ZBTB1: variants seen among roughly 807,000 people sequenced by gnomAD.
The protein encoded by ZBTB1 is zinc finger and BTB domain containing 1.
ZBTB1 carries 13 observed loss-of-function variants against 51.6 expected under a neutral mutation model. The observed-to-expected ratio is 0.25, with a 90% CI of 0.16 to 0.40. The LOEUF (loss-of-function observed/expected upper bound fraction) is 0.40, where lower values mean the gene tolerates loss of function less well. Among genes scored for constraint, ZBTB1 ranks in the 10% least tolerant of loss-of-function variants. ZBTB1 has a pLI of 1.00. For missense variants in ZBTB1, 567 were observed against 856.5 expected (o/e 0.66, Z 4.22); for synonymous variants, 240 against 282.2 (o/e 0.85, Z 1.50).
chr14:64,523,906 A>G lies in ZBTB1; in HGVS notation c.*260A>G. On this transcript the variant is annotated 3_prime_UTR_variant, in exon 2 of 2. Coordinates refer to ENST00000683701, the MANE Select transcript of ZBTB1 (RefSeq NM_001123329.2). The surrounding 1 kb of genome is among the most constrained non-coding windows in gnomAD (Gnocchi z 4.5). ...TTAAAATTTTTAAATGTAGACTACA[A>G]GTGGTTGTTACCCATTCAATGACTA... 8.6e-7 allele frequency: 1 copy of G among 1,158,250 alleles called. No homozygotes were observed. The highest frequency in any genetic ancestry group is 1.1e-6 in the Non-Finnish European group (1 of 931,706). The allele number at this position is 1,158,250 out of a possible 1,614,324, so 71.7% of individuals were successfully genotyped here.
chr14:64,522,905 T>C lies in ZBTB1; in HGVS notation c.1401T>C (p.Ala467=), dbSNP rs2079874462. Residue 467 remains alanine, a synonymous_variant, in exon 2 of 2, where the codon GCT becomes GCC. Transcript: ENST00000683701. ...LVKGRQLQEH[A]QRCGEPQDLT... ...AGGGTAGGCAGCTTCAGGAACATGC[T>C]CAACGATGTGGCGAGCCCCAAGATC... 3 of 1,614,178 alleles carry C rather than the reference T, an allele frequency of 1.9e-6. No homozygotes were observed. The highest frequency in any genetic ancestry group is 2.2e-5 in the East Asian group (1 of 44,882).
At chr14:64,507,047 AAAG>A (rs2079671232) in intron 1 of ZBTB1, among the ~76,000 whole-genome samples, 1 of 152,204 alleles carries the variant, frequency 6.6e-6, no homozygotes, top group Non-Finnish European at 1.5e-5. Flanking sequence ...GTGCAGGAGA[AAAG>A]AAGTACCTGC....
In ZBTB1 at chr14:64,524,551, A is replaced by G. The variant is rs1227933584; in HGVS notation, c.*905A>G. ...AAGAATATGACCTCTAAAGGAAAAG[A>G]TGATTTTTTACAATACATACTTCTG... On this transcript the variant is annotated 3_prime_UTR_variant, in exon 2 of 2. Coordinates refer to ENST00000683701, the MANE Select transcript of ZBTB1 (RefSeq NM_001123329.2). 3 of 982,896 alleles carry G rather than the reference A, an allele frequency of 3.1e-6. No individual in the cohort carries two copies. The highest frequency in any genetic ancestry group is 3.6e-6 in the Non-Finnish European group (3 of 827,762). The allele number at this position is 982,896 out of a possible 1,614,324, so 60.9% of individuals were successfully genotyped here. A position where few individuals can be genotyped will look rare whatever the true frequency, so the allele number is the denominator to read the frequency against.
chr14:64,517,781 A>ATATTT (rs1160337478), intron 1 of ZBTB1, among the ~76,000 whole-genome samples: 5 of 41,550 alleles, frequency 1.2e-4, no homozygotes, highest in African/African-American at 4.4e-4. Context: ...ATATATATAT[A>ATATTT]TTTTTTTTTT....
intron 1 of ZBTB1, chr14:64,505,317 C>T (rs1473006776): frequency 6.0e-6 from 1 of 165,600 alleles, no homozygotes; most frequent in Non-Finnish European, 1.3e-5. Context: ...CTTCTCTCAA[C>T]TTACAGCTGC....
chr14:64,530,600 C>CA (rs568731383), intron 2 of ZBTB1, among the ~76,000 whole-genome samples: 4,073 of 124,694 alleles, frequency 0.033, 159 homozygotes, highest in African/African-American at 0.11. Flanking sequence ...GACTCCGTCT[C>CA]AAAAAAAAAA....
chr14:64,527,203 G>A (rs1476594214), downstream of ZBTB1, among the ~76,000 whole-genome samples: 1 of 151,884 alleles, frequency 6.6e-6, no homozygotes, highest in Non-Finnish European at 1.5e-5. Flanking sequence ...CTAATTAAAA[G>A]GAAAAGTAGA....
At chr14:64,515,614 G>A (rs1354869151) in intron 1 of ZBTB1, among the ~76,000 whole-genome samples, 2 of 150,498 alleles carry the variant, frequency 1.3e-5, no homozygotes, top group Admixed American at 6.6e-5. Flanking sequence ...TCCGCCTCCC[G>A]AGTTCCCGCC....
At position 64,524,444 on chromosome 14, in the gene ZBTB1, T is replaced by C; in HGVS notation, c.*798T>C. On this transcript the variant is annotated 3_prime_UTR_variant, in exon 2 of 2. Transcript: ENST00000683701. The stretch of plus-strand genomic sequence containing the variant: ...ACATATCTTGTATTCATTAAAAATA[T>C]TTTAATTTAAAATATTCTGATTTCT... The C allele has an allele frequency of 8.7e-6, 7 of 800,080 alleles. No homozygotes were observed. The highest frequency in any genetic ancestry group is 1.1e-5 in the Non-Finnish European group (7 of 661,108). 49.6% of individuals were successfully genotyped at this position (800,080 alleles called of 1,614,324 possible).
intron 1 of ZBTB1, among the ~76,000 whole-genome samples, chr14:64,519,848 C>T (rs559474124): frequency 4.0e-4 from 61 of 152,056 alleles, no homozygotes; most frequent in African/African-American, 1.4e-3. Flanking sequence ...AAACCCACTG[C>T]TTCTTTATAC....
chr14:64,519,544 G>A (rs1359419317), intron 1 of ZBTB1, among the ~76,000 whole-genome samples: 1 of 150,404 alleles, frequency 6.6e-6, no homozygotes, highest in Non-Finnish European at 1.5e-5. Flanking sequence ...CAGGAGGATC[G>A]CTTGAACTCA....
At chr14:64,515,770 C>A (rs887528825) in intron 1 of ZBTB1, among the ~76,000 whole-genome samples, 8 of 152,186 alleles carry the variant, frequency 5.3e-5, no homozygotes, top group Non-Finnish European at 1.0e-4. Context: ...CCACCCGCCT[C>A]CGCCTCCCAA....
chr14:64,532,821 G>A (rs996347292), exon 3 of ZBTB1: 55 of 152,088 alleles, frequency 3.6e-4, no homozygotes, highest in African/African-American at 1.3e-3. Context: ...AATATTTGGT[G>A]AGATTTTAGT....
rs1017405050 is a variant in ZBTB1 at position 64,524,870 on chromosome 14, C to A, written c.*1224C>A. 8.1e-6 allele frequency: 8 copies of A among 985,140 alleles called. No individual in the cohort carries two copies. The highest frequency in any genetic ancestry group is 9.6e-6 in the Non-Finnish European group (8 of 829,864). The allele number at this position is 985,140 out of a possible 1,614,324, so 61.0% of individuals were successfully genotyped here. On this transcript the variant is annotated 3_prime_UTR_variant, in exon 2 of 2. Coordinates refer to ENST00000683701, the MANE Select transcript of ZBTB1 (RefSeq NM_001123329.2). Reference sequence around the variant, plus strand: ...AAAGTAGTAGTATTGTTAGTTGTTGCTGACACAGGGTCTACATAATTACAT... The same window carrying A: ...AAAGTAGTAGTATTGTTAGTTGTTGATGACACAGGGTCTACATAATTACAT...
At chr14:64,508,490 C>T (rs1185250506) in intron 1 of ZBTB1, among the ~76,000 whole-genome samples, 1 of 152,106 alleles carries the variant, frequency 6.6e-6, no homozygotes, top group African/African-American at 2.4e-5. Context: ...CTCTAGGAGG[C>T]TTAGAATGTT....
chr14:64,506,165 C>T (rs2079651308), intron 1 of ZBTB1, among the ~76,000 whole-genome samples: 1 of 152,158 alleles, frequency 6.6e-6, no homozygotes, highest in South Asian at 2.1e-4. Context: ...GAATCACTTG[C>T]TGGATATCTA....
intron 1 of ZBTB1, among the ~76,000 whole-genome samples, chr14:64,516,979 G>A (rs2079793390): frequency 6.6e-6 from 1 of 152,108 alleles, no homozygotes; most frequent in Middle Eastern, 3.2e-3. Context: ...AGGGTCTTTG[G>A]AACTTCTGTG....
At chr14:64,527,273 G>A (rs1442362379), downstream of ZBTB1, among the ~76,000 whole-genome samples, 2 of 151,630 alleles carry the variant, frequency 1.3e-5, no homozygotes, top group African/African-American at 2.4e-5. Context: ...TCAAGAGTTC[G>A]AGACCAGCCT....
At chr14:64,518,234 G>A (rs1016589155) in intron 1 of ZBTB1, 1 of 152,138 alleles carries the variant, frequency 6.6e-6, no homozygotes, top group Admixed American at 6.5e-5. Context: ...CAAATGAGAA[G>A]TAACTCATTA....
Sources: gnomAD v4.1 joint callset for allele counts (sites outside exome capture counted in the v4.1 genomes callset) on GRCh38, gnomAD v4.1.1 for gene constraint, Gnocchi (gnomAD v3.1) non-coding constraint, MANE v1.5 for transcripts, NCBI Gene and HGNC (gene_info 2026-07-23, HGNC 2026-07-21) for gene names.